Variants in TNRC6A observed in about 807,000 individuals in gnomAD.
The protein encoded by TNRC6A is trinucleotide repeat-containing gene 6A protein.
In TNRC6A, 44 loss-of-function variants were observed where a neutral mutation model predicts 221.2. That is an observed-to-expected ratio of 0.20 (90% CI 0.16 to 0.26). TNRC6A has a LOEUF of 0.26. TNRC6A is among the 10% of genes least tolerant of loss of function. TNRC6A has a pLI of 1.00. For synonymous variants in TNRC6A, 847 were observed against 838.5 expected, an observed-to-expected ratio of 1.01 and a Z score of -0.18; for missense variants, 2,199 against 2,404.4, an observed-to-expected ratio of 0.91 and a Z score of 1.79.
chr16:24,639,222 T>G (rs1466505921), intron 1 of TNRC6A, among the ~76,000 whole-genome samples: 1 of 152,194 alleles, frequency 6.6e-6, no homozygotes, highest in Non-Finnish European at 1.5e-5. Context: ...TGGTAGCTCA[T>G]GCCTGTGATT....
At chr16:24,716,409 C>G (rs1407383340) in intron 2 of TNRC6A, among the ~76,000 whole-genome samples, 1 of 152,190 alleles carries the variant, frequency 6.6e-6, no homozygotes, top group African/African-American at 2.4e-5. Context: ...TGGCTCACGC[C>G]TGGAATCCCA....
chr16:24,729,678 G>GCGGTGTCGGTGT lies in TNRC6A; in HGVS notation c.-155_-154insTGTCGGTGTCGG, dbSNP rs766064851. The stretch of plus-strand genomic sequence containing the variant: ...TTCCGGTCTGGGGCCTGCGGCGGCG[G>GCGGTGTCGGTGT]CGGTGTCGGCGGCGGCGGCGGCGGC... On this transcript the variant is annotated 5_prime_UTR_variant, in exon 1 of 25. Coordinates refer to ENST00000395799, the MANE Select transcript of TNRC6A (RefSeq NM_014494.4). 6 of 728,068 alleles carry GCGGTGTCGGTGT rather than the reference G, an allele frequency of 8.2e-6. No homozygotes were observed. The highest frequency in any genetic ancestry group is 1.1e-5 in the Non-Finnish European group (6 of 529,160). 45.1% of individuals were successfully genotyped at this position (728,068 alleles called of 1,614,324 possible).
chr16:24,662,207 T>C (rs1243325602), intron 2 of TNRC6A: 1 of 152,130 alleles, frequency 6.6e-6, no homozygotes, highest in African/African-American at 2.4e-5. Flanking sequence ...CTCAGCACCT[T>C]GGGAGGCTGA....
rs1252970472 is a variant in TNRC6A, at chr16:24,712,907, C to CTGTGTGTGTGTGTGTATG, written n.403-37804_403-37803insATGTGTGTGTGTGTGTGT. 1.7e-3 allele frequency among the ~76,000 whole-genome samples: 220 copies of CTGTGTGTGTGTGTGTATG among 126,764 alleles called. 4 individuals are homozygous for CTGTGTGTGTGTGTGTATG. Among genetic ancestry groups the CTGTGTGTGTGTGTGTATG allele is most frequent in the South Asian group, 0.014 (48 of 3,502 alleles). 83.2% of individuals were successfully genotyped at this position (126,764 alleles called of 152,430 possible). On this transcript the variant is annotated intron_variant and non_coding_transcript_variant, in intron 2 of 2. Coordinates refer to the TNRC6A transcript ENST00000566108. Reference sequence around the variant, plus strand: ...AATTTGGGGCCATAGTTATGTGCCACTGTGTGTGTGTGTGTGTGTGTGTGT... The same window carrying CTGTGTGTGTGTGTGTATG: ...AATTTGGGGCCATAGTTATGTGCCACTGTGTGTGTGTGTGTATGTGTGTGTGTGTGTGTGTGTGTGTGT...
chr16:24,723,962 G>A (rs890572701), intron 2 of TNRC6A, among the ~76,000 whole-genome samples: 1 of 152,180 alleles, frequency 6.6e-6, no homozygotes, highest in Non-Finnish European at 1.5e-5. Flanking sequence ...CTACCCCACT[G>A]CATCTTCTAG....
At chr16:24,689,627 G>T (rs1364780533) in intron 2 of TNRC6A, among the ~76,000 whole-genome samples, 1 of 152,112 alleles carries the variant, frequency 6.6e-6, no homozygotes, top group Non-Finnish European at 1.5e-5. Context: ...AGCCACTAGG[G>T]ATAGAGCAAT....
chr16:24,764,806 G>A (rs2057437412), intron 4 of TNRC6A, among the ~76,000 whole-genome samples: 1 of 152,104 alleles, frequency 6.6e-6, no homozygotes, highest in Non-Finnish European at 1.5e-5. Context: ...GTGGATGCTT[G>A]AAATCTCGGA....
chr16:24,612,286 C>G (rs1262538985), intron 1 of TNRC6A, among the ~76,000 whole-genome samples: 1 of 152,072 alleles, frequency 6.6e-6, no homozygotes, highest in Non-Finnish European at 1.5e-5. Flanking sequence ...GACTCGATGA[C>G]AGGGTGCTAT....
intron 2 of TNRC6A, among the ~76,000 whole-genome samples, chr16:24,699,815 T>C (rs1330035190): frequency 6.6e-6 from 1 of 152,030 alleles, no homozygotes; most frequent in Admixed American, 6.6e-5. Flanking sequence ...CAGATACCAT[T>C]TCTTTAACAG....
At chr16:24,816,026 A>G (rs1463744481) in intron 19 of TNRC6A, 1 of 152,492 alleles carries the variant, frequency 6.6e-6, no homozygotes, top group African/African-American at 2.4e-5. Context: ...GTTACTGTTT[A>G]AAAATAAACA....
At chr16:24,706,989 G>GTATTTATT (rs899368992) in intron 2 of TNRC6A, among the ~76,000 whole-genome samples, 1 of 130,250 alleles carries the variant, frequency 7.7e-6, no homozygotes, top group African/African-American at 2.5e-5. Flanking sequence ...TTTTATTTAT[G>GTATTTATT]TATTTATTTA....
At position 24,800,260 on chromosome 16, in the gene TNRC6A, C is replaced by G. The variant is rs188360248; in HGVS notation, c.3694+2294C>G. Among the ~76,000 whole-genome samples, 256 of 152,332 alleles carry G rather than the reference C, an allele frequency of 1.7e-3. 2 individuals are homozygous for G. Among genetic ancestry groups the G allele is most frequent in the African/African-American group, 5.9e-3 (245 of 41,574 alleles). ...TTCACCTTTTGATTCTCACAACTTA[C>G]AAATTCTAGTAATTGGAGAGACACA... is the stretch of plus-strand genomic sequence containing the variant. On this transcript the variant is annotated intron_variant, in intron 11 of 24. Transcript: ENST00000395799.
intron 2 of TNRC6A, among the ~76,000 whole-genome samples, chr16:24,711,652 G>A (rs143262886): frequency 1.4e-3 from 207 of 147,044 alleles, no homozygotes; most frequent in African/African-American, 5.2e-3. Context: ...TCCATGTTAT[G>A]TATTTAAATA....
At chr16:24,811,712 A>C (rs2058547308) in intron 18 of TNRC6A, among the ~76,000 whole-genome samples, 1 of 151,964 alleles carries the variant, frequency 6.6e-6, no homozygotes, top group South Asian at 2.1e-4. Context: ...GAGTAGATCT[A>C]GTATAGTCAT....
At chr16:24,798,558 G>C (rs1204418464) in intron 11 of TNRC6A, among the ~76,000 whole-genome samples, 1 of 152,196 alleles carries the variant, frequency 6.6e-6, no homozygotes, top group Non-Finnish European at 1.5e-5. Flanking sequence ...AGGAGATAGA[G>C]AAAAGACACT....
At chr16:24,641,229 A>C (rs575379007) in intron 2 of TNRC6A, among the ~76,000 whole-genome samples, 1 of 152,250 alleles carries the variant, frequency 6.6e-6, no homozygotes, top group Admixed American at 6.5e-5. Flanking sequence ...TCACCTTCTG[A>C]AGGTGGATTG....
At position 24,812,985 on chromosome 16, in the gene TNRC6A, C is replaced by T. The variant is rs969910305; in HGVS notation, c.4673-2162C>T. Among the ~76,000 whole-genome samples the T allele has an allele frequency of 2.3e-4, 35 of 151,244 alleles. 1 individual carries two copies. The highest frequency in any genetic ancestry group is 4.3e-4 in the Non-Finnish European group (29 of 67,906). On this transcript the variant is annotated intron_variant, in intron 18 of 24. Transcript: ENST00000395799. ...TGACCTCCCAGACTCAGATGACCCC[C>T]CCACCTCAGCCTCCCGAGCAGCTGG...
chr16:24,818,908 CTCTCA>C (rs1280016450), intron 21 of TNRC6A, among the ~76,000 whole-genome samples: 1 of 151,728 alleles, frequency 6.6e-6, no homozygotes, highest in East Asian at 1.9e-4. Context: ...CACTGAACAG[CTCTCA>C]TCTCATCTCA....
intron 2 of TNRC6A, among the ~76,000 whole-genome samples, chr16:24,702,179 T>TC (rs558651493): frequency 0.081 from 7,624 of 94,026 alleles, 904 homozygotes; most frequent in East Asian, 0.51. Context: ...TTTTTTCTTT[T>TC]TTCTTTTTTT....
Sources: allele counts gnomAD v4.1 joint callset (sites outside exome capture counted in the v4.1 genomes callset), GRCh38; gene constraint gnomAD v4.1.1; transcripts MANE v1.5; gene names NCBI Gene and HGNC (gene_info 2026-07-23, HGNC 2026-07-21).